The following WDR49 variants were observed in gnomAD, a reference collection of about 807,000 sequenced individuals.
The protein encoded by WDR49 is cilia- and flagella-associated protein 337.
WDR49 carries 107 observed loss-of-function variants against 119.5 expected under a neutral mutation model. The observed-to-expected ratio is 0.90, with a 90% confidence interval of 0.77 to 1.05. WDR49 has a LOEUF of 1.05. Ranked by LOEUF, WDR49 falls within the 50% of genes least tolerant of loss-of-function variation. The pLI is 0.00. For synonymous variants in WDR49, 425 were observed against 418.8 expected (o/e 1.01, Z -0.18); for missense variants, 1,240 against 1,220.5 (o/e 1.02, Z -0.24).
At chr3:167,579,754 A>G (rs1439023988) in intron 7 of WDR49, among the ~76,000 whole-genome samples, 1 of 152,174 alleles carries the variant, frequency 6.6e-6, no homozygotes, top group Admixed American at 6.5e-5. Flanking sequence ...ATATAAATAG[A>G]ATTGATAAGC....
intron 16 of WDR49, among the ~76,000 whole-genome samples, chr3:167,514,564 C>T (rs187662772): frequency 6.6e-6 from 1 of 151,292 alleles, no homozygotes; most frequent in Non-Finnish European, 1.5e-5. Flanking sequence ...CAAGAGCAAA[C>T]AGACCCCTAA....
intron 8 of WDR49, among the ~76,000 whole-genome samples, chr3:167,565,746 A>G (rs1034750297): frequency 6.6e-6 from 1 of 152,152 alleles, no homozygotes; most frequent in Non-Finnish European, 1.5e-5. Flanking sequence ...GTGTGAGGGA[A>G]GGGAGGAGCC....
intron 18 of WDR49, among the ~76,000 whole-genome samples, chr3:167,491,207 C>T (rs943920901): frequency 1.3e-5 from 2 of 152,094 alleles, no homozygotes; most frequent in Non-Finnish European, 2.9e-5. Context: ...TTTGCCCCAC[C>T]CGGGAGCTTT....
chr3:167,624,356 A>AAAG, intron 3 of WDR49, among the ~76,000 whole-genome samples: 1 of 149,666 alleles, frequency 6.7e-6, no homozygotes, highest in Admixed American at 6.6e-5. Context: ...AAAAAAAAAA[A>AAAG]GAAAAGAAAA....
At chr3:167,592,959 T>C (rs534746595) in intron 7 of WDR49, among the ~76,000 whole-genome samples, 1 of 152,318 alleles carries the variant, frequency 6.6e-6, no homozygotes, top group South Asian at 2.1e-4. Context: ...CCCTGAAAAT[T>C]TTGCTGCCAG....
chr3:167,500,283 T>G lies in WDR49; in HGVS notation c.2901A>C (p.Leu967Phe). 1 of 1,604,768 alleles carries G rather than the reference T, an allele frequency of 6.2e-7. No homozygotes were observed. Among genetic ancestry groups the G allele is most frequent in the Non-Finnish European group, 8.5e-7 (1 of 1,176,938 alleles). ...GCAGCTCTTCCAGGGCTCCAATGTT[T>G]AATGACCTAAATGTACCTTCACAAC... ...IKKSFSTFRS[L>F]NIGALEELPE... Residue 967 changes from leucine to phenylalanine, a missense_variant, in exon 18 of 19, where the codon TTA becomes TTC. By Grantham distance (22) the Leu-to-Phe change is conservative (BLOSUM62 0). Transcript: ENST00000682715.
rs778953941 is a variant in WDR49, at chr3:167,621,599, C to T, written c.651G>A (p.Leu217=). 3.3e-6 allele frequency: 5 copies of T among 1,534,714 alleles called. No individual in the cohort carries two copies. The highest frequency in any genetic ancestry group is 4.4e-6 in the Non-Finnish European group (5 of 1,146,094). The change falls in exon 4 of 19, where the codon CTG becomes CTA. Residue 217 remains leucine (L), a synonymous_variant. Coordinates refer to ENST00000682715, the MANE Select transcript of WDR49 (RefSeq NM_001366157.1). ...GGCAAGCAAATTCTTCTTTGGACAG[C>T]AGATCATAGAAACAAACCTCTTTAC... ...FTSKEVCFYD[L]LSKEEFACQY... is the part of the protein sequence containing the mutation.
intron 5 of WDR49, among the ~76,000 whole-genome samples, chr3:167,608,030 C>T (rs1393611588): frequency 1.3e-5 from 2 of 152,002 alleles, no homozygotes; most frequent in Non-Finnish European, 2.9e-5. Flanking sequence ...AAAGGAGAAT[C>T]CTTTAAGTTT....
intron 3 of WDR49, among the ~76,000 whole-genome samples, chr3:167,623,512 C>T (rs1716965325): frequency 6.6e-6 from 1 of 151,900 alleles, no homozygotes; most frequent in South Asian, 2.1e-4. Flanking sequence ...AAACACTCAA[C>T]AAACCAGGAA....
At chr3:167,588,270 A>G (rs2108294021) in intron 7 of WDR49, among the ~76,000 whole-genome samples, 1 of 152,320 alleles carries the variant, frequency 6.6e-6, no homozygotes, top group Middle Eastern at 3.4e-3. Context: ...ATGTTATTGC[A>G]AGTGACAGGA....
At chr3:167,583,692 C>T (rs1714667346) in intron 7 of WDR49, among the ~76,000 whole-genome samples, 1 of 152,116 alleles carries the variant, frequency 6.6e-6, no homozygotes, top group Non-Finnish European at 1.5e-5. Context: ...CAACCAGAAG[C>T]CTAAGCCTTG....
At chr3:167,607,148 C>T (rs1209681999) in intron 5 of WDR49, among the ~76,000 whole-genome samples, 3 of 152,130 alleles carry the variant, frequency 2.0e-5, no homozygotes, top group Non-Finnish European at 4.4e-5. Context: ...GATGTCATTC[C>T]ATTCCTTTAT....
At chr3:167,497,357 T>C (rs1487280621) in intron 18 of WDR49, among the ~76,000 whole-genome samples, 2 of 151,980 alleles carry the variant, frequency 1.3e-5, no homozygotes, top group Non-Finnish European at 2.9e-5. Flanking sequence ...AGAAAGAAAA[T>C]AAAAAACCAA....
chr3:167,556,163 A>G (rs1310079902), intron 9 of WDR49, among the ~76,000 whole-genome samples: 1 of 152,172 alleles, frequency 6.6e-6, no homozygotes, highest in East Asian at 1.9e-4. Context: ...TTCTTCAAAT[A>G]CTGTAAGTTA....
At chr3:167,574,404 A>G (rs912393339) in intron 8 of WDR49, among the ~76,000 whole-genome samples, 1 of 152,200 alleles carries the variant, frequency 6.6e-6, no homozygotes, top group South Asian at 2.1e-4. Context: ...TAAATGTAAC[A>G]CATACAATGT....
chr3:167,556,996 G>T (rs534582158), intron 9 of WDR49, among the ~76,000 whole-genome samples: 1 of 152,240 alleles, frequency 6.6e-6, no homozygotes, highest in African/African-American at 2.4e-5. Flanking sequence ...CTGCACTCTA[G>T]CCTGAGTGAC....
chr3:167,515,155 C>G (rs1752151810), intron 16 of WDR49, among the ~76,000 whole-genome samples: 1 of 152,026 alleles, frequency 6.6e-6, no homozygotes, highest in African/African-American at 2.4e-5. Context: ...ATCCTGATAC[C>G]AAAACCTGGT....
At chr3:167,641,928 A>G (rs1717901535) in intron 2 of WDR49, among the ~76,000 whole-genome samples, 1 of 138,992 alleles carries the variant, frequency 7.2e-6, no homozygotes, top group African/African-American at 2.8e-5. Flanking sequence ...GTGAGAGAGA[A>G]AAAAAGGTAA....
In WDR49 at chr3:167,492,145, GTT is replaced by G. The variant is rs78618438; in HGVS notation, c.3031+8006_3031+8007del. On this transcript the variant is annotated intron_variant, in intron 18 of 18. Transcript: ENST00000682715. ...CAGGAGAAATATATTGGTAATTGAA[GTT>G]TTTTTTTTTTTTAAGTGTTATTTTA... Among the ~76,000 whole-genome samples, 916 of 143,628 alleles carry G rather than the reference GTT, an allele frequency of 6.4e-3. 6 individuals are homozygous for G. Among genetic ancestry groups the G allele is most frequent in the African/African-American group, 0.021 (850 of 39,754 alleles). The allele number at this position is 143,628 out of a possible 152,430, so 94.2% of individuals were successfully genotyped here.
Sources: gnomAD v4.1 joint callset for allele counts (sites outside exome capture counted in the v4.1 genomes callset) on GRCh38, gnomAD v4.1.1 for gene constraint, MANE v1.5 for transcripts, NCBI Gene and HGNC (gene_info 2026-07-23, HGNC 2026-07-21) for gene names.